Variants in PRKN observed in about 807,000 individuals in gnomAD.
PRKN encodes the protein E3 ubiquitin-protein ligase parkin.
In PRKN, 56 loss-of-function variants were observed where a neutral mutation model predicts 59.5. The observed-to-expected ratio is 0.94, with a 90% CI of 0.76 to 1.18. The LOEUF is 1.18. Ranked by LOEUF, PRKN falls within the 50% of genes most tolerant of loss-of-function variation. The pLI, the probability that PRKN is intolerant of heterozygous loss-of-function variation, is 0.00. For missense variants in PRKN, 657 were observed against 596.4 expected (o/e 1.10, Z -1.06); for synonymous variants, 250 against 222.1 (o/e 1.13, Z -1.12).
At chr6:162,404,552 A>T (rs1257446120) in intron 2 of PRKN, among the ~76,000 whole-genome samples, 1 of 151,826 alleles carries the variant, frequency 6.6e-6, no homozygotes, top group Non-Finnish European at 1.5e-5. Context: ...GCTTGAAACC[A>T]ACACTTATGG....
intron 6 of PRKN, among the ~76,000 whole-genome samples, chr6:161,966,546 T>C (rs1184430589): frequency 6.6e-6 from 1 of 152,224 alleles, no homozygotes; most frequent in South Asian, 2.1e-4. Flanking sequence ...TTGTAACTTC[T>C]ATTGGAAAGA....
At chr6:161,867,124 T>G (rs1376503552) in intron 6 of PRKN, among the ~76,000 whole-genome samples, 2 of 152,210 alleles carry the variant, frequency 1.3e-5, no homozygotes, top group Non-Finnish European at 2.9e-5. Flanking sequence ...TTTATTTTAT[T>G]TGGATCTGTT....
intron 1 of PRKN, among the ~76,000 whole-genome samples, chr6:162,687,131 C>T (rs1386098509): frequency 2.0e-5 from 3 of 150,632 alleles, no homozygotes; most frequent in Middle Eastern, 3.5e-3. Flanking sequence ...GCAGGATGGT[C>T]GTTTTAACAA....
At chr6:161,874,990 T>A (rs1410945216) in intron 6 of PRKN, among the ~76,000 whole-genome samples, 106 of 80,690 alleles carry the variant, frequency 1.3e-3, no homozygotes, top group Non-Finnish European at 1.7e-3. Flanking sequence ...ATTATATACT[T>A]TATATATAAT....
At chr6:161,607,941 G>A (rs1444131843) in intron 7 of PRKN, among the ~76,000 whole-genome samples, 1 of 152,164 alleles carries the variant, frequency 6.6e-6, no homozygotes, top group East Asian at 1.9e-4. Flanking sequence ...CACCAGCCCT[G>A]AAAGCTTGAA....
intron 2 of PRKN, among the ~76,000 whole-genome samples, chr6:162,357,908 G>A (rs974546428): frequency 3.3e-5 from 5 of 152,196 alleles, no homozygotes; most frequent in Admixed American, 6.6e-5. Flanking sequence ...AGGTTCAGGG[G>A]AAGGAGGGAG....
chr6:162,144,990 G>A (rs1781960961), intron 4 of PRKN, among the ~76,000 whole-genome samples: 1 of 152,158 alleles, frequency 6.6e-6, no homozygotes, highest in Non-Finnish European at 1.5e-5. Context: ...CTTTCACACA[G>A]AACTCCCATT....
intron 7 of PRKN, among the ~76,000 whole-genome samples, chr6:161,774,736 C>T (rs889457472): frequency 2.2e-4 from 33 of 152,210 alleles, no homozygotes; most frequent in African/African-American, 7.0e-4. Flanking sequence ...TGACCCTGTT[C>T]AGCCACTGCG....
At chr6:162,725,018 G>C (rs1779078620) in intron 1 of PRKN, among the ~76,000 whole-genome samples, 1 of 152,190 alleles carries the variant, frequency 6.6e-6, no homozygotes. Flanking sequence ...TCACGCCACT[G>C]TAAGCTTGCT....
intron 2 of PRKN, among the ~76,000 whole-genome samples, chr6:162,352,476 A>G (rs1339926477): frequency 6.6e-6 from 1 of 152,180 alleles, no homozygotes; most frequent in African/African-American, 2.4e-5. Flanking sequence ...TAGAAAAGAT[A>G]ATCTACGTGG....
intron 7 of PRKN, among the ~76,000 whole-genome samples, chr6:161,777,755 A>ATGTATATG (rs1789998095): frequency 8.1e-6 from 1 of 124,098 alleles, no homozygotes; most frequent in African/African-American, 3.4e-5. Context: ...ATAGATATAT[A>ATGTATATG]TGTATATGTA....
intron 2 of PRKN, among the ~76,000 whole-genome samples, chr6:162,325,405 G>A (rs2128123073): frequency 6.6e-6 from 1 of 152,212 alleles, no homozygotes; most frequent in Middle Eastern, 3.4e-3. Flanking sequence ...TCATCTCGAC[G>A]GAAACAGCCT....
chr6:161,906,682 A>ATATATATATATATATATATATATT (rs1562381695), intron 6 of PRKN, among the ~76,000 whole-genome samples: 12 of 147,158 alleles, frequency 8.2e-5, no homozygotes, highest in African/African-American at 3.1e-4. Flanking sequence ...ATATGTATAT[A>ATATATATATATATATATATATATT]TGAGTTTATT....
At chr6:162,338,942 C>T (rs1365493748) in intron 2 of PRKN, among the ~76,000 whole-genome samples, 4 of 149,962 alleles carry the variant, frequency 2.7e-5, no homozygotes, top group East Asian at 2.0e-4. Flanking sequence ...TGCCCGGCCG[C>T]GACCCCGTCT....
intron 6 of PRKN, among the ~76,000 whole-genome samples, chr6:161,929,795 G>A (rs369517853): frequency 3.3e-5 from 5 of 152,196 alleles, no homozygotes; most frequent in East Asian, 1.9e-4. Flanking sequence ...ACATAGGCAT[G>A]AGCCACCATG....
intron 6 of PRKN, among the ~76,000 whole-genome samples, chr6:161,822,784 C>T (rs1374112321): frequency 3.9e-5 from 6 of 152,292 alleles, no homozygotes; most frequent in African/African-American, 1.4e-4. Context: ...TACCTCTGGA[C>T]ATTGTTTATG....
chr6:162,600,585 A>G (rs1371991871), intron 1 of PRKN, among the ~76,000 whole-genome samples: 1 of 152,138 alleles, frequency 6.6e-6, no homozygotes, highest in African/African-American at 2.4e-5. Context: ...GATTTGGATC[A>G]CCCAAATCTC....
At chr6:162,400,457 C>CAAAAAAAAAAAAAAA (rs3081908) in intron 2 of PRKN, among the ~76,000 whole-genome samples, 5 of 98,686 alleles carry the variant, frequency 5.1e-5, no homozygotes, top group Admixed American at 2.4e-4. Flanking sequence ...ATGTAAATAT[C>CAAAAAAAAAAAAAAA]AAAAAAAAAA....
At chr6:162,486,562 A>G (rs1760283558) in intron 1 of PRKN, among the ~76,000 whole-genome samples, 1 of 152,226 alleles carries the variant, frequency 6.6e-6, no homozygotes, top group South Asian at 2.1e-4. Flanking sequence ...GAATATGAGA[A>G]GTGAAGTTTC....
Sources: gnomAD v4.1 joint callset for allele counts (sites outside exome capture counted in the v4.1 genomes callset) on GRCh38, gnomAD v4.1.1 for gene constraint, MANE v1.5 for transcripts, NCBI Gene and HGNC (gene_info 2026-07-23, HGNC 2026-07-21) for gene names.